PLEKHA7: variants seen among roughly 807,000 people sequenced by gnomAD.
PLEKHA7 encodes pleckstrin homology domain-containing family A member 7.
A neutral mutation model predicts 170.0 loss-of-function variants in PLEKHA7; 104 were observed. That is an observed-to-expected ratio of 0.61 (90% CI 0.52 to 0.72). PLEKHA7 has a LOEUF of 0.72. Ranked by LOEUF, PLEKHA7 falls within the 30% of genes least tolerant of loss-of-function variation. PLEKHA7 has a pLI of 0.00. For synonymous variants in PLEKHA7, 648 were observed against 660.8 expected (o/e 0.98, Z 0.30); for missense variants, 1,615 against 1,671.7 (o/e 0.97, Z 0.59).
chr11:17,001,458 C>T (rs917332891), intron 3 of PLEKHA7, among the ~76,000 whole-genome samples: 4 of 152,096 alleles, frequency 2.6e-5, no homozygotes, highest in Non-Finnish European at 4.4e-5. Context: ...GGTGAGTGAA[C>T]GAACCTAAAC....
intron 3 of PLEKHA7, among the ~76,000 whole-genome samples, chr11:16,967,566 C>T (rs1397267533): frequency 6.6e-6 from 1 of 152,084 alleles, no homozygotes; most frequent in Non-Finnish European, 1.5e-5. Context: ...TCACAAGGCA[C>T]AGTGTAGGCA....
At chr11:16,855,036 G>A (rs1313694405) in intron 5 of PLEKHA7, 43 bp from the exon 6 acceptor site, 2 of 1,572,548 alleles carry the variant, frequency 1.3e-6, no homozygotes, top group East Asian at 2.2e-5. Flanking sequence ...GGAATTTAAG[G>A]TGACACAAAA....
chr11:16,820,798 A>G (rs1342676876), intron 10 of PLEKHA7, among the ~76,000 whole-genome samples: 2 of 152,092 alleles, frequency 1.3e-5, no homozygotes, highest in Non-Finnish European at 1.5e-5. Flanking sequence ...CCCTAAGCTC[A>G]TCCTCTAACC....
chr11:16,893,555 T>C lies in PLEKHA7; in HGVS notation c.222-22373A>G, dbSNP rs1856809002. On this transcript the variant is annotated intron_variant, in intron 3 of 26. Coordinates refer to ENST00000531066, the MANE Select transcript of PLEKHA7 (RefSeq NM_001329630.2). ...GAGAAAGTAGTGACAGAGAAGGCTG[T>C]AATTCTCTAGTACCCGCCCCCCCAC... Among the ~76,000 whole-genome samples the C allele has an allele frequency of 2.0e-5, 3 of 152,196 alleles. No individual in the cohort carries two copies. The South Asian group carries it at 6.2e-4, about 32-fold the overall frequency.
chr11:16,814,565 C>T (rs1193255875), intron 12 of PLEKHA7, among the ~76,000 whole-genome samples: 1 of 152,196 alleles, frequency 6.6e-6, no homozygotes, highest in African/African-American at 2.4e-5. Context: ...CAAAGCCCAA[C>T]GTTCTTGCAA....
intron 26 of PLEKHA7, among the ~76,000 whole-genome samples, chr11:16,782,166 C>CAT (rs1310928708): frequency 2.6e-5 from 4 of 151,838 alleles, no homozygotes; most frequent in Non-Finnish European, 4.4e-5. Context: ...CACGGACACA[C>CAT]ACACACCCAC....
intron 3 of PLEKHA7, among the ~76,000 whole-genome samples, chr11:16,979,280 G>A (rs532996118): frequency 6.6e-5 from 10 of 152,154 alleles, no homozygotes; most frequent in East Asian, 5.8e-4. Context: ...CACCTGCCTC[G>A]GCCTCCCAGA....
At chr11:16,784,938 G>T (rs1292845838) in intron 24 of PLEKHA7, among the ~76,000 whole-genome samples, 1 of 152,214 alleles carries the variant, frequency 6.6e-6, no homozygotes, top group African/African-American at 2.4e-5. Flanking sequence ...CCCCTGCCAA[G>T]GCAGCATGTT....
At chr11:16,986,575 C>A (rs533277843) in intron 3 of PLEKHA7, among the ~76,000 whole-genome samples, 12 of 152,246 alleles carry the variant, frequency 7.9e-5, no homozygotes, top group African/African-American at 2.9e-4. Flanking sequence ...GGGAGAGAAA[C>A]CATAAAAATT....
intron 17 of PLEKHA7, among the ~76,000 whole-genome samples, chr11:16,797,758 G>C (rs1848333381): frequency 6.6e-6 from 1 of 152,210 alleles, no homozygotes; most frequent in Non-Finnish European, 1.5e-5. Flanking sequence ...CCCAAGCTGA[G>C]TGTTGAGAAC....
chr11:16,861,280 C>T (rs1005085584), intron 4 of PLEKHA7, among the ~76,000 whole-genome samples: 2 of 151,616 alleles, frequency 1.3e-5, no homozygotes, highest in Non-Finnish European at 2.9e-5. Flanking sequence ...AAACCTAGCA[C>T]TTTGGGAGGC....
chr11:16,827,906 C>A (rs1850788741), intron 9 of PLEKHA7, among the ~76,000 whole-genome samples: 1 of 147,878 alleles, frequency 6.8e-6, no homozygotes, highest in Non-Finnish European at 1.5e-5. Flanking sequence ...TTCATCTCAA[C>A]ATGAGAGTAC....
rs915435715 is a variant in PLEKHA7, at chr11:16,844,478, C to G, written c.697-2756G>C. On this transcript the variant is annotated intron_variant, in intron 8 of 26. Coordinates refer to ENST00000531066, the MANE Select transcript of PLEKHA7 (RefSeq NM_001329630.2). ...TTTTCTTTTCATCTGGCCAAGTGAC[C>G]CAAGTCCAAAGTATCCTGAGCCTAG... Among the ~76,000 whole-genome samples, 5 of 152,228 alleles carry G rather than the reference C, an allele frequency of 3.3e-5. 1 individual carries two copies. In the South Asian group the frequency reaches 1.0e-3, roughly 32 times the overall value.
At chr11:16,832,788 C>T (rs770950984) in intron 9 of PLEKHA7, among the ~76,000 whole-genome samples, 8 of 152,126 alleles carry the variant, frequency 5.3e-5, no homozygotes, top group Non-Finnish European at 1.0e-4. Flanking sequence ...GAACAAGAAC[C>T]CAGGCCACTG....
intron 3 of PLEKHA7, among the ~76,000 whole-genome samples, chr11:16,996,343 G>A (rs944432732): frequency 1.3e-5 from 2 of 152,210 alleles, no homozygotes; most frequent in Non-Finnish European, 2.9e-5. Context: ...GGCCAAGTCT[G>A]GTCAAAGGCC....
chr11:16,901,219 A>G (rs1382147648), intron 3 of PLEKHA7, among the ~76,000 whole-genome samples: 2 of 152,210 alleles, frequency 1.3e-5, no homozygotes, highest in Admixed American at 1.3e-4. Context: ...CTTATAAAAA[A>G]TAATATATAC....
intron 10 of PLEKHA7, among the ~76,000 whole-genome samples, chr11:16,820,511 C>G (rs1049559973): frequency 2.6e-5 from 4 of 152,206 alleles, no homozygotes; most frequent in Admixed American, 1.3e-4. Flanking sequence ...ACAAATGTGC[C>G]TCTGAGACGG....
At chr11:16,979,376 C>A (rs1338047279) in intron 3 of PLEKHA7, among the ~76,000 whole-genome samples, 1 of 151,982 alleles carries the variant, frequency 6.6e-6, no homozygotes, top group Non-Finnish European at 1.5e-5. Flanking sequence ...CCACCTCCAC[C>A]CCCACCACCT....
At chr11:16,978,759 G>A (rs934453496) in intron 3 of PLEKHA7, among the ~76,000 whole-genome samples, 2 of 152,180 alleles carry the variant, frequency 1.3e-5, no homozygotes, top group Admixed American at 6.5e-5. Context: ...CCATAGTGAT[G>A]GAACTGCTGG....
Sources: gnomAD v4.1 joint callset for allele counts (sites outside exome capture counted in the v4.1 genomes callset) on GRCh38, gnomAD v4.1.1 for gene constraint, MANE v1.5 for transcripts, NCBI Gene and HGNC (gene_info 2026-07-23, HGNC 2026-07-21) for gene names.